Variants in PPP2R5E observed in about 807,000 individuals in gnomAD.
PPP2R5E encodes serine/threonine-protein phosphatase 2A 56 kDa regulatory subunit epsilon isoform.
Under a neutral mutation model 65.3 loss-of-function variants are expected in PPP2R5E, and 4 were observed. The observed-to-expected ratio is 0.06, with a 90% CI of 0.03 to 0.14. PPP2R5E has a LOEUF of 0.14. Among genes scored for constraint, PPP2R5E ranks in the 10% least tolerant of loss-of-function variants. The pLI is 1.00. For synonymous variants in PPP2R5E, 183 were observed against 187.4 expected, an observed-to-expected ratio of 0.98 and a Z score of 0.19; for missense variants, 274 against 556.1, an observed-to-expected ratio of 0.49 and a Z score of 5.10.
intron 2 of PPP2R5E, among the ~76,000 whole-genome samples, chr14:63,525,395 C>T (rs909068727): frequency 1.3e-5 from 2 of 152,150 alleles, no homozygotes; most frequent in African/African-American, 4.8e-5. Context: ...TAACTTCTCC[C>T]TTCAAATACC....
intron 13 of PPP2R5E, among the ~76,000 whole-genome samples, chr14:63,379,820 C>CTCTCTCTA (rs1884211067): frequency 8.5e-6 from 1 of 117,092 alleles, no homozygotes; most frequent in South Asian, 2.4e-4. Flanking sequence ...CTTCAATATT[C>CTCTCTCTA]TCTCTCTTTT....
rs551442581 is a variant in PPP2R5E at position 63,459,236 on chromosome 14, G to A, written c.158-5351C>T. Among the ~76,000 whole-genome samples the A allele has an allele frequency of 5.9e-5, 9 of 152,170 alleles. No homozygotes were observed. In the South Asian group the frequency reaches 6.2e-4, roughly 11 times the overall value. On this transcript the variant is annotated intron_variant, in intron 2 of 13. Coordinates refer to ENST00000337537, the MANE Select transcript of PPP2R5E (RefSeq NM_006246.5). The stretch of plus-strand genomic sequence containing the variant: ...TGAAGCTAGGTACACTAGCATATGC[G>A]GTAAAATGCCTAATTACCTGCCCAT...
chr14:63,514,104 G>A (rs917956652), intron 2 of PPP2R5E, among the ~76,000 whole-genome samples: 14 of 152,138 alleles, frequency 9.2e-5, no homozygotes, highest in African/African-American at 3.4e-4. Flanking sequence ...TTGTTTTATT[G>A]TCAAGACTGC....
chr14:63,538,992 C>T (rs367804878), intron 2 of PPP2R5E, among the ~76,000 whole-genome samples: 1 of 152,058 alleles, frequency 6.6e-6, no homozygotes. Flanking sequence ...CAAGTATGAT[C>T]ATCATACTTG....
intron 2 of PPP2R5E, among the ~76,000 whole-genome samples, chr14:63,511,464 A>C (rs1430018321): frequency 3.9e-5 from 6 of 152,200 alleles, no homozygotes; most frequent in Non-Finnish European, 8.8e-5. Flanking sequence ...GAACCATCAC[A>C]TAGCTGAGCC....
rs1163450765 is a variant in PPP2R5E at position 63,397,502 on chromosome 14, TAAAAAAAAAAAA to T, written c.550-798_550-787del. 1.4e-4 allele frequency among the ~76,000 whole-genome samples: 9 copies of T among 62,292 alleles called. 1 individual carries two copies. The highest frequency in any genetic ancestry group is 3.9e-4 in the African/African-American group (6 of 15,206). The allele number at this position is 62,292 out of a possible 152,430, so 40.9% of individuals were successfully genotyped here. A position where few individuals can be genotyped will look rare whatever the true frequency, so the allele number is the denominator to read the frequency against. ...GGGCCATAGAGCAAGATTCGGTCTT[TAAAAAAAAAAAA>T]AAAAAAAAAAAAAAAAGGATAAGCC... is the stretch of plus-strand genomic sequence containing the variant. On this transcript the variant is annotated intron_variant, in intron 5 of 13. Transcript: ENST00000337537.
At chr14:63,393,767 G>T in intron 8 of PPP2R5E, 53 bp downstream of exon 8, 2 of 1,292,744 alleles carry the variant, frequency 1.5e-6, no homozygotes, top group Non-Finnish European at 2.2e-6. Context: ...AAAAAAACGA[G>T]TTTGCAAACT....
chr14:63,409,613 A>G (rs1886287050), intron 5 of PPP2R5E, among the ~76,000 whole-genome samples: 1 of 151,984 alleles, frequency 6.6e-6, no homozygotes, highest in Non-Finnish European at 1.5e-5. Flanking sequence ...ACTTGTTGTG[A>G]TAGGTGATCT....
chr14:63,486,293 T>TAC (rs374427574), intron 2 of PPP2R5E, among the ~76,000 whole-genome samples: 15,114 of 127,882 alleles, frequency 0.12, 900 homozygotes, highest in African/African-American at 0.13. Flanking sequence ...CTTTCCCCAT[T>TAC]ACACACACAC....
chr14:63,452,615 C>T (rs1888905922), intron 3 of PPP2R5E: 1 of 152,204 alleles, frequency 6.6e-6, no homozygotes, highest in African/African-American at 2.4e-5. Flanking sequence ...TGTAAATTAA[C>T]AACAAATCCA....
intron 4 of PPP2R5E, among the ~76,000 whole-genome samples, chr14:63,418,604 C>A (rs1012557222): frequency 6.6e-6 from 1 of 152,038 alleles, no homozygotes; most frequent in Non-Finnish European, 1.5e-5. Context: ...CAGTCTCAAA[C>A]GGAAAGCACT....
At chr14:63,470,534 G>A (rs1890063175) in intron 2 of PPP2R5E, among the ~76,000 whole-genome samples, 2 of 151,450 alleles carry the variant, frequency 1.3e-5, no homozygotes, top group South Asian at 4.2e-4. Context: ...AAGGGTTAAG[G>A]GGTTATCTCT....
intron 11 of PPP2R5E, among the ~76,000 whole-genome samples, chr14:63,387,893 G>A (rs568229659): frequency 1.3e-5 from 2 of 152,322 alleles, no homozygotes; most frequent in East Asian, 1.9e-4. Flanking sequence ...AAGGCCACGT[G>A]AGCATACAGC....
chr14:63,535,348 G>C (rs1020002440), intron 2 of PPP2R5E, among the ~76,000 whole-genome samples: 32 of 152,054 alleles, frequency 2.1e-4, no homozygotes, highest in African/African-American at 7.0e-4. Context: ...CTTGAACCAA[G>C]AGGCAGAGGT....
At chr14:63,380,572 G>C (rs888264284) in intron 13 of PPP2R5E, among the ~76,000 whole-genome samples, 1 of 151,996 alleles carries the variant, frequency 6.6e-6, no homozygotes, top group Non-Finnish European at 1.5e-5. Flanking sequence ...TGAGGCAGGA[G>C]AATGGCATGA....
chr14:63,414,081 C>T (rs1460031123), intron 5 of PPP2R5E, among the ~76,000 whole-genome samples: 1 of 152,178 alleles, frequency 6.6e-6, no homozygotes. Flanking sequence ...TCTCTGGAAG[C>T]TTGCCTGACC....
At chr14:63,527,939 A>G (rs1039322979) in intron 2 of PPP2R5E, among the ~76,000 whole-genome samples, 3 of 151,454 alleles carry the variant, frequency 2.0e-5, no homozygotes, top group Non-Finnish European at 4.4e-5. Context: ...AAAAAAAAAA[A>G]GTCAAATGGC....
chr14:63,457,274 T>A (rs901081052), intron 2 of PPP2R5E, among the ~76,000 whole-genome samples: 1 of 152,166 alleles, frequency 6.6e-6, no homozygotes, highest in African/African-American at 2.4e-5. Context: ...ATAAGAAAAG[T>A]TTAGTGTCTA....
Position 63,382,266 on chromosome 14 carries a change from ACTGT to A in PPP2R5E, c.1203-113_1203-110del, listed in dbSNP as rs879222540. ...GTCTGAATGATTTCTCGTACTGCACACTGTCTGTATCCTTTTTTAGTTGGAACAA... is the reference window on the plus strand; with the variant it reads ...GTCTGAATGATTTCTCGTACTGCACACTGTATCCTTTTTTAGTTGGAACAA... On this transcript the variant is annotated intron_variant, in intron 12 of 13. Transcript: ENST00000337537. 2.8e-5 allele frequency: 19 copies of A among 684,246 alleles called. No homozygotes were observed. In the South Asian group the frequency reaches 3.6e-4, roughly 13 times the overall value. 42.4% of individuals were successfully genotyped at this position (684,246 alleles called of 1,614,324 possible).
Sources: gnomAD v4.1 joint callset for allele counts (sites outside exome capture counted in the v4.1 genomes callset) on GRCh38, gnomAD v4.1.1 for gene constraint, MANE v1.5 for transcripts, NCBI Gene and HGNC (gene_info 2026-07-23, HGNC 2026-07-21) for gene names.